The following ST6GALNAC5 variants were observed in gnomAD, a reference collection of about 807,000 sequenced individuals.
ST6GALNAC5 encodes ST6 N-acetylgalactosaminide alpha-2,6-sialyltransferase 5.
ST6GALNAC5 carries 27 observed loss-of-function variants against 33.6 expected under a neutral mutation model. That is an observed-to-expected ratio of 0.80 (90% confidence interval 0.59 to 1.11). The LOEUF (loss-of-function observed/expected upper bound fraction) is 1.11, where lower values mean the gene tolerates loss of function less well. Among genes scored for constraint, ST6GALNAC5 ranks in the 50% least tolerant of loss-of-function variants. The pLI is 0.00. For synonymous variants in ST6GALNAC5, 194 were observed against 171.2 expected, an observed-to-expected ratio of 1.13 and a Z score of -1.04; for missense variants, 428 against 454.0, an observed-to-expected ratio of 0.94 and a Z score of 0.52.
intron 2 of ST6GALNAC5, among the ~76,000 whole-genome samples, chr1:76,985,777 C>T (rs905953594): frequency 2.6e-5 from 4 of 152,068 alleles, no homozygotes; most frequent in African/African-American, 9.7e-5. Flanking sequence ...CTACAGTAAC[C>T]AAAACAGCAT....
At chr1:76,912,903 A>C (rs1646929353) in intron 2 of ST6GALNAC5, among the ~76,000 whole-genome samples, 1 of 151,384 alleles carries the variant, frequency 6.6e-6, no homozygotes, top group Non-Finnish European at 1.5e-5. Flanking sequence ...TAATTGGAGC[A>C]TTTAGTCCAT....
intron 2 of ST6GALNAC5, among the ~76,000 whole-genome samples, chr1:77,024,134 T>G (rs1304763564): frequency 6.6e-6 from 1 of 152,168 alleles, no homozygotes; most frequent in Non-Finnish European, 1.5e-5. Flanking sequence ...ACAGCTTTAT[T>G]CCAACACCCT....
intron 2 of ST6GALNAC5, among the ~76,000 whole-genome samples, chr1:77,014,911 G>T (rs1330658908): frequency 6.6e-6 from 1 of 152,134 alleles, no homozygotes; most frequent in Non-Finnish European, 1.5e-5. Flanking sequence ...GAAAACTAAG[G>T]TTTAGAAATT....
chr1:77,019,897 T>C (rs1650987809), intron 2 of ST6GALNAC5, among the ~76,000 whole-genome samples: 1 of 152,184 alleles, frequency 6.6e-6, no homozygotes, highest in Non-Finnish European at 1.5e-5. Flanking sequence ...TCCTATCTTA[T>C]ACTTTAAACT....
At chr1:76,899,776 A>G (rs971746038) in intron 2 of ST6GALNAC5, among the ~76,000 whole-genome samples, 1 of 152,114 alleles carries the variant, frequency 6.6e-6, no homozygotes, top group East Asian at 1.9e-4. Flanking sequence ...AAGAAGAAAG[A>G]CGTTGAGGGA....
intron 2 of ST6GALNAC5, among the ~76,000 whole-genome samples, chr1:76,988,446 A>G (rs1178757088): frequency 6.6e-6 from 1 of 152,028 alleles, no homozygotes. Context: ...CTTTATAGTT[A>G]TAAATTGATC....
chr1:76,947,016 T>C (rs576373583), intron 2 of ST6GALNAC5, among the ~76,000 whole-genome samples: 62 of 152,258 alleles, frequency 4.1e-4, no homozygotes, highest in Non-Finnish European at 8.5e-4. Flanking sequence ...TAGTCATCCA[T>C]AGTTCTAATC....
At position 76,868,505 on chromosome 1, in the gene ST6GALNAC5, T is replaced by C. The variant is rs1411053777; in HGVS notation, c.24T>C (p.Gly8=). The part of the protein sequence containing the change: MKTLMRH[G]LAVCLALTTM... Reference sequence around the variant, plus strand: ...CTCCCGCCCGCCCGCAGCGCCATGGTCTGGCAGTGTGTTTAGCGCTCACCA... The same window carrying C: ...CTCCCGCCCGCCCGCAGCGCCATGGCCTGGCAGTGTGTTTAGCGCTCACCA... The change falls in exon 2 of 5, where the codon GGT becomes GGC. Residue 8 remains glycine (G), a synonymous_variant. Transcript: ENST00000477717. This position sits in a 1 kb window ranked among gnomAD's most constrained non-coding sequence, Gnocchi z 4.3. The C allele has an allele frequency of 6.8e-6, 11 of 1,607,266 alleles. No individual in the cohort carries two copies. The highest frequency in any genetic ancestry group is 8.5e-6 in the Non-Finnish European group (10 of 1,175,896).
intron 2 of ST6GALNAC5, among the ~76,000 whole-genome samples, chr1:76,924,308 A>G (rs1030449655): frequency 6.6e-6 from 1 of 152,168 alleles, no homozygotes; most frequent in African/African-American, 2.4e-5. Context: ...TCATGCTTCT[A>G]TTGGGAGGAG....
rs868244393 is a variant in ST6GALNAC5 at position 77,016,176 on chromosome 1, C to T, written c.262-28028C>T. ...TATCTTCCCCTCCTCCTCCTCCTGT[C>T]CTCCCCCTCCTCCTCCTGTATCTCC... On this transcript the variant is annotated intron_variant, in intron 2 of 4. Transcript: ENST00000477717. 1.2e-3 allele frequency among the ~76,000 whole-genome samples: 24 copies of T among 20,038 alleles called. 1 individual carries two copies. The highest frequency in any genetic ancestry group is 4.7e-3 in the East Asian group (3 of 632). The allele number at this position is 20,038 out of a possible 152,430, so 13.1% of individuals were successfully genotyped here.
chr1:77,006,300 G>T (rs188282495), intron 2 of ST6GALNAC5, among the ~76,000 whole-genome samples: 4 of 150,072 alleles, frequency 2.7e-5, no homozygotes, highest in African/African-American at 9.9e-5. Flanking sequence ...GACTACAGGT[G>T]CATGCCACTA....
chr1:76,978,478 A>C (rs938091506), intron 2 of ST6GALNAC5, among the ~76,000 whole-genome samples: 1 of 152,220 alleles, frequency 6.6e-6, no homozygotes, highest in Non-Finnish European at 1.5e-5. Context: ...CAATATATGG[A>C]AGTTAGTAAA....
At chr1:76,878,466 C>A (rs533087717) in intron 2 of ST6GALNAC5, among the ~76,000 whole-genome samples, 54 of 152,198 alleles carry the variant, frequency 3.5e-4, no homozygotes, top group South Asian at 6.2e-4. Context: ...TTTTAGGTAC[C>A]CTGGAATCAA....
At chr1:76,923,643 A>G (rs1467016176) in intron 2 of ST6GALNAC5, among the ~76,000 whole-genome samples, 2 of 152,018 alleles carry the variant, frequency 1.3e-5, no homozygotes, top group Admixed American at 6.6e-5. Context: ...CAGTGAGCTG[A>G]GATTACACCG....
At chr1:76,963,098 G>C (rs913717877) in intron 2 of ST6GALNAC5, among the ~76,000 whole-genome samples, 3 of 152,148 alleles carry the variant, frequency 2.0e-5, no homozygotes, top group Non-Finnish European at 4.4e-5. Context: ...AGAAAACCAG[G>C]GAGGTGGGAT....
chr1:77,043,914 C>T (rs142854481), intron 2 of ST6GALNAC5, among the ~76,000 whole-genome samples: 41 of 152,230 alleles, frequency 2.7e-4, no homozygotes, highest in Non-Finnish European at 4.6e-4. Context: ...CGAGAGAAAC[C>T]TTGCTGGGTT....
At chr1:76,984,195 A>G (rs1032315598) in intron 2 of ST6GALNAC5, among the ~76,000 whole-genome samples, 4 of 152,284 alleles carry the variant, frequency 2.6e-5, no homozygotes, top group African/African-American at 9.6e-5. Context: ...GACACAAAAA[A>G]CCCTTCAAAA....
intron 2 of ST6GALNAC5, among the ~76,000 whole-genome samples, chr1:76,928,755 C>T (rs1204335179): frequency 1.3e-5 from 2 of 152,128 alleles, no homozygotes; most frequent in African/African-American, 4.8e-5. Context: ...TATCCCCACC[C>T]CTCTGCCTGA....
intron 2 of ST6GALNAC5, among the ~76,000 whole-genome samples, chr1:76,965,015 A>C (rs537540284): frequency 6.6e-6 from 1 of 152,112 alleles, no homozygotes; most frequent in Non-Finnish European, 1.5e-5. Flanking sequence ...CATTGATGGA[A>C]ATTTGGGTTG....
Sources: gnomAD v4.1 joint callset for allele counts (sites outside exome capture counted in the v4.1 genomes callset) on GRCh38, gnomAD v4.1.1 for gene constraint, Gnocchi (gnomAD v3.1) non-coding constraint, MANE v1.5 for transcripts, NCBI Gene and HGNC (gene_info 2026-07-23, HGNC 2026-07-21) for gene names.